ANKRD17: variants seen among roughly 807,000 people sequenced by gnomAD.
ANKRD17 encodes the protein ankyrin repeat domain 17.
ANKRD17 carries 19 observed loss-of-function variants against 229.7 expected under a neutral mutation model. That is an observed-to-expected ratio of 0.08 (90% CI 0.06 to 0.12). The LOEUF (loss-of-function observed/expected upper bound fraction) is 0.12. Among genes scored for constraint, ANKRD17 ranks in the 10% least tolerant of loss-of-function variants. The pLI is 1.00. For synonymous variants in ANKRD17, 1,112 were observed against 1,146.1 expected (o/e 0.97, Z 0.60); for missense variants, 2,176 against 3,176.8 (o/e 0.68, Z 7.57).
chr4:73,122,952 A>G (rs1332332751), intron 18 of ANKRD17, among the ~76,000 whole-genome samples: 1 of 152,130 alleles, frequency 6.6e-6, no homozygotes, highest in Admixed American at 6.6e-5. Flanking sequence ...TATGATTTTT[A>G]TAGTAAAATG....
intron 25 of ANKRD17, among the ~76,000 whole-genome samples, chr4:73,099,563 G>A (rs1723712288): frequency 6.6e-6 from 1 of 152,190 alleles, no homozygotes; most frequent in African/African-American, 2.4e-5. Context: ...TGGTCTGGGA[G>A]GATTCCCCTG....
chr4:73,255,623 T>TTA (rs1393021474), intron 1 of ANKRD17, among the ~76,000 whole-genome samples: 1 of 152,158 alleles, frequency 6.6e-6, no homozygotes, highest in Non-Finnish European at 1.5e-5. Context: ...GCTTACAGTT[T>TTA]TATTTGTCTT....
chr4:73,106,963 G>C (rs1410920044), intron 24 of ANKRD17, among the ~76,000 whole-genome samples: 1 of 150,530 alleles, frequency 6.6e-6, no homozygotes. Context: ...AGATAAGAGA[G>C]AGACACAGAT....
At chr4:73,225,973 C>CTTTTTT (rs754977999) in intron 1 of ANKRD17, among the ~76,000 whole-genome samples, 8 of 92,564 alleles carry the variant, frequency 8.6e-5, no homozygotes, top group South Asian at 4.3e-4. Flanking sequence ...GGCTCTTAAG[C>CTTTTTT]TTTTTTTTTT....
rs375814309 is a variant in ANKRD17, at chr4:73,129,887, C to T, written c.3235-4575G>A. Among the ~76,000 whole-genome samples the T allele has an allele frequency of 6.5e-4, 99 of 151,704 alleles. No individual in the cohort carries two copies. In the East Asian group the frequency reaches 8.7e-3, roughly 13 times the overall value. ...GCGCCATTCTCCTGCCTCAGCCTCCCGAGTAGCTGGGACTACAGGTGCCTG... is the reference window on the plus strand; with the variant it reads ...GCGCCATTCTCCTGCCTCAGCCTCCTGAGTAGCTGGGACTACAGGTGCCTG... On this transcript the variant is annotated intron_variant, in intron 16 of 33. Coordinates refer to ENST00000358602, the MANE Select transcript of ANKRD17 (RefSeq NM_032217.5).
Position 73,121,054 on chromosome 4 carries a change from C to A in ANKRD17, c.3676G>T (p.Ala1226Ser). 1 of 1,613,886 alleles carries A rather than the reference C, an allele frequency of 6.2e-7. No homozygotes were observed. The highest frequency in any genetic ancestry group is 8.5e-7 in the Non-Finnish European group (1 of 1,179,870). The change falls in exon 20 of 34, where the codon GCT becomes TCT. Residue 1226 changes from alanine (A) to serine (S), a missense_variant. By Grantham distance (99) the Ala-to-Ser change is moderately conservative. Coordinates refer to ENST00000358602, the MANE Select transcript of ANKRD17 (RefSeq NM_032217.5). ...KLGISPLMLA[A>S]MNGHTAAVKL... is the part of the protein sequence containing the mutation. ...ACAGCAGCTGTATGCCCATTCATAGCTGCTAACATCAGAGGAGAGATGCCC... is the reference window on the plus strand; with the variant it reads ...ACAGCAGCTGTATGCCCATTCATAGATGCTAACATCAGAGGAGAGATGCCC...
chr4:73,091,644 C>T lies in ANKRD17; in HGVS notation c.5984G>A (p.Arg1995Gln), dbSNP rs531067640. The stretch of plus-strand genomic sequence containing the variant: ...CACAACTGTGACAAAAAGCTGCCTT[C>T]GGACAGAAGGTGAACTTGGACTGCC... ...TNGSPSSPSV[R>Q]RQLFVTVVKT... is the part of the protein sequence containing the mutation. Residue 1995 changes from arginine to glutamine, a missense_variant, in exon 29 of 34, where the codon CGA becomes CAA. Coordinates refer to ENST00000358602, the MANE Select transcript of ANKRD17 (RefSeq NM_032217.5). 58 of 1,614,198 alleles carry T rather than the reference C, an allele frequency of 3.6e-5. No homozygotes were observed. Among genetic ancestry groups the T allele is most frequent in the Admixed American group, 1.2e-4 (7 of 60,020 alleles).
chr4:73,121,248 C>A (rs1726683896), intron 19 of ANKRD17, 154 bp from the exon 20 acceptor site: 2 of 683,384 alleles, frequency 2.9e-6, no homozygotes. Flanking sequence ...TGAGATACTA[C>A]CAAGACTCCA....
At chr4:73,170,687 G>A (rs1460223201) in intron 2 of ANKRD17, among the ~76,000 whole-genome samples, 2 of 150,824 alleles carry the variant, frequency 1.3e-5, no homozygotes, top group African/African-American at 4.9e-5. Flanking sequence ...TTCATCACAA[G>A]CTGACTGAAG....
At chr4:73,216,421 A>G (rs1282385310) in intron 1 of ANKRD17, among the ~76,000 whole-genome samples, 1 of 152,190 alleles carries the variant, frequency 6.6e-6, no homozygotes, top group Admixed American at 6.5e-5. Context: ...GAGACCTAAG[A>G]CCAAAAGAAT....
intron 29 of ANKRD17, among the ~76,000 whole-genome samples, chr4:73,087,173 T>A (rs974805715): frequency 1.3e-5 from 2 of 151,062 alleles, no homozygotes; most frequent in Non-Finnish European, 1.5e-5. Context: ...CCAGCCTCCA[T>A]CTACTGGGCT....
chr4:73,176,899 A>G (rs1734805253), intron 2 of ANKRD17, among the ~76,000 whole-genome samples: 1 of 152,166 alleles, frequency 6.6e-6, no homozygotes. Flanking sequence ...AAATCACAAA[A>G]ATGTGTAAAA....
At position 73,143,666 on chromosome 4, in the gene ANKRD17, A is replaced by G. The variant is rs1729883813; in HGVS notation, c.1958-899T>C. ...TTTCTTTACCTATAAACAATTATAAACTTGAGATTTCGTTACTATTATTAT... is the reference window on the plus strand; with the variant it reads ...TTTCTTTACCTATAAACAATTATAAGCTTGAGATTTCGTTACTATTATTAT... On this transcript the variant is annotated intron_variant, in intron 11 of 33. Coordinates refer to ENST00000358602, the MANE Select transcript of ANKRD17 (RefSeq NM_032217.5). Among the ~76,000 whole-genome samples the G allele has an allele frequency of 2.0e-5, 3 of 152,160 alleles. No individual in the cohort carries two copies. In the South Asian group the frequency reaches 6.2e-4, roughly 32 times the overall value.
intron 15 of ANKRD17, among the ~76,000 whole-genome samples, chr4:73,137,015 G>A (rs1028859770): frequency 9.8e-6 from 1 of 101,684 alleles, no homozygotes; most frequent in African/African-American, 3.6e-5. Context: ...CAAATTGGTT[G>A]TTCTTATCAC....
intron 24 of ANKRD17, among the ~76,000 whole-genome samples, chr4:73,105,451 C>T (rs1724500165): frequency 6.6e-6 from 1 of 151,754 alleles, no homozygotes; most frequent in Non-Finnish European, 1.5e-5. Flanking sequence ...ACAAATGAGG[C>T]TTCTGAAAGG....
Position 73,139,823 on chromosome 4 carries a change from T to C in ANKRD17, c.2793A>G (p.Gln931=). ...CATCTTTAAGTAAAACAGGATCCAC[T>C]TGCTGTAACCGTGCATAGTCTCCCT... ...LSEGDYARLQ[Q]VDPVLLKDEP... is the part of the protein sequence containing the mutation. The change falls in exon 15 of 34, where the codon CAA becomes CAG. Residue 931 remains glutamine (Q), a synonymous_variant. Transcript: ENST00000358602. 3 of 1,614,212 alleles carry C rather than the reference T, an allele frequency of 1.9e-6. No individual in the cohort carries two copies. In the East Asian group the frequency reaches 6.7e-5, roughly 36 times the overall value.
intron 10 of ANKRD17, among the ~76,000 whole-genome samples, chr4:73,145,098 A>G (rs1730086425): frequency 1.3e-5 from 2 of 152,194 alleles, no homozygotes; most frequent in African/African-American, 2.4e-5. Flanking sequence ...TCACGTGATC[A>G]TGATGCCCTC....
chr4:73,103,199 C>T (rs1233936586), intron 24 of ANKRD17, among the ~76,000 whole-genome samples: 1 of 151,342 alleles, frequency 6.6e-6, no homozygotes, highest in Non-Finnish European at 1.5e-5. Flanking sequence ...TCCCAGTTTA[C>T]ATTTGTTAGG....
chr4:73,215,096 C>G (rs1036493964), intron 1 of ANKRD17, among the ~76,000 whole-genome samples: 1 of 151,966 alleles, frequency 6.6e-6, no homozygotes, highest in Admixed American at 6.6e-5. Context: ...TTCTCAAGAA[C>G]GAATGATATG....
Sources: allele counts gnomAD v4.1 joint callset (sites outside exome capture counted in the v4.1 genomes callset), GRCh38; gene constraint gnomAD v4.1.1; transcripts MANE v1.5; gene names NCBI Gene and HGNC (gene_info 2026-07-23, HGNC 2026-07-21).